Variants in TENM4 observed in about 807,000 individuals in gnomAD.
TENM4 encodes the protein teneurin transmembrane protein 4, also known as teneurin-4.
TENM4 carries 82 observed loss-of-function variants against 243.3 expected under a neutral mutation model. That is an observed-to-expected ratio of 0.34 (90% confidence interval 0.28 to 0.40). The LOEUF (loss-of-function observed/expected upper bound fraction) is 0.40. TENM4 is among the 10% of genes least tolerant of loss of function. TENM4 has a pLI of 1.00. For synonymous variants in TENM4, 1,412 were observed against 1,456.3 expected, an observed-to-expected ratio of 0.97 and a Z score of 0.69; for missense variants, 3,138 against 3,673.3, an observed-to-expected ratio of 0.85 and a Z score of 3.77.
intron 30 of TENM4, among the ~76,000 whole-genome samples, chr11:78,674,517 G>A (rs186984292): frequency 4.6e-5 from 7 of 152,186 alleles, no homozygotes; most frequent in African/African-American, 1.4e-4. Flanking sequence ...GGCTAGGTGC[G>A]TTGATTGTAT....
At position 79,213,369 on chromosome 11, in the gene TENM4, G is replaced by A. The variant is rs991779621; in HGVS notation, c.-163+2439C>T. ...GCCAACAAAGTAGGTCCCTGCCCTT[G>A]TGGAGCTTGTGTTCTAATAGAAGAA... On this transcript the variant is annotated intron_variant, in intron 3 of 33. Coordinates refer to ENST00000278550, the MANE Select transcript of TENM4 (RefSeq NM_001098816.3). 2.0e-5 allele frequency among the ~76,000 whole-genome samples: 3 copies of A among 152,152 alleles called. No homozygotes were observed. In the East Asian group the frequency reaches 5.8e-4, roughly 29 times the overall value.
intron 3 of TENM4, among the ~76,000 whole-genome samples, chr11:79,161,868 C>T (rs979527346): frequency 2.0e-5 from 3 of 152,130 alleles, no homozygotes; most frequent in African/African-American, 7.2e-5. Flanking sequence ...CAGAAAATGA[C>T]CCAAGTGCGC....
chr11:79,174,989 C>A (rs1863128809), intron 3 of TENM4, among the ~76,000 whole-genome samples: 1 of 152,300 alleles, frequency 6.6e-6, no homozygotes, highest in African/African-American at 2.4e-5. Context: ...AAGTAATATA[C>A]TATCTATCTC....
intron 6 of TENM4, among the ~76,000 whole-genome samples, chr11:78,984,337 A>G (rs1857870930): frequency 6.6e-6 from 1 of 152,154 alleles, no homozygotes; most frequent in African/African-American, 2.4e-5. Context: ...CCCTTCTCTG[A>G]AGGGCTAGAT....
intron 6 of TENM4, among the ~76,000 whole-genome samples, chr11:78,904,089 G>A (rs1189634656): frequency 6.6e-6 from 1 of 152,038 alleles, no homozygotes; most frequent in Non-Finnish European, 1.5e-5. Context: ...GGCCGGTCGC[G>A]GTGGCTCAAG....
At chr11:79,393,369 G>C (rs968527505) in intron 1 of TENM4, among the ~76,000 whole-genome samples, 1 of 152,080 alleles carries the variant, frequency 6.6e-6, no homozygotes, top group Admixed American at 6.5e-5. Context: ...CTGGGTCTCC[G>C]TTTCCTCATC....
rs1863423739 is a variant in TENM4, at chr11:79,188,831, T to G, written c.-163+26977A>C. ...GTGATTGCAAATCCAAGTCTTGACC[T>G]CAGAAAGGCAGTCAGTACTGGGGGA... On this transcript the variant is annotated intron_variant, in intron 3 of 33. Coordinates refer to ENST00000278550, the MANE Select transcript of TENM4 (RefSeq NM_001098816.3). Among the ~76,000 whole-genome samples, 4 of 152,014 alleles carry G rather than the reference T, an allele frequency of 2.6e-5. No individual in the cohort carries two copies. In the South Asian group the frequency reaches 8.3e-4, roughly 32 times the overall value.
At chr11:79,010,942 T>C (rs973733885) in intron 6 of TENM4, among the ~76,000 whole-genome samples, 16 of 152,148 alleles carry the variant, frequency 1.1e-4, no homozygotes, top group Admixed American at 1.0e-3. Context: ...CTGTGGGTCC[T>C]GGAGCAAGTT....
At chr11:79,249,083 G>A (rs61143485) in intron 2 of TENM4, among the ~76,000 whole-genome samples, 1,680 of 152,274 alleles carry the variant, frequency 0.011, 32 homozygotes, top group African/African-American at 0.039. Context: ...AACCCTAGTA[G>A]CATGCAGTAA....
At chr11:79,377,033 A>G (rs894577486) in intron 1 of TENM4, among the ~76,000 whole-genome samples, 1 of 152,220 alleles carries the variant, frequency 6.6e-6, no homozygotes, top group African/African-American at 2.4e-5. Flanking sequence ...ACTAAATGCT[A>G]TCACAAGTGT....
intron 1 of TENM4, among the ~76,000 whole-genome samples, chr11:79,393,723 C>T (rs1340863430): frequency 6.6e-6 from 1 of 152,204 alleles, no homozygotes; most frequent in Non-Finnish European, 1.5e-5. Context: ...ACTGAAGGGA[C>T]TCGGTGTGTT....
chr11:78,741,310 G>GA (rs139301535), intron 19 of TENM4, among the ~76,000 whole-genome samples: 28 of 146,860 alleles, frequency 1.9e-4, no homozygotes, highest in African/African-American at 3.0e-4. Context: ...ACCGACTTTT[G>GA]AAAAAAAAAA....
chr11:78,769,994 C>A (rs1172092122), intron 18 of TENM4, among the ~76,000 whole-genome samples: 1 of 152,208 alleles, frequency 6.6e-6, no homozygotes, highest in Non-Finnish European at 1.5e-5. Context: ...CTATTGATTT[C>A]CTACCCTGTG....
At chr11:79,373,346 A>G (rs1025407292) in intron 1 of TENM4, among the ~76,000 whole-genome samples, 1 of 150,194 alleles carries the variant, frequency 6.7e-6, no homozygotes, top group East Asian at 2.0e-4. Flanking sequence ...GGATGGATGG[A>G]TGGATGGATC....
chr11:79,130,650 C>T (rs999875342), intron 4 of TENM4, among the ~76,000 whole-genome samples: 11 of 152,008 alleles, frequency 7.2e-5, no homozygotes, highest in African/African-American at 2.7e-4. Context: ...GGTGAAACAC[C>T]ATCTCTACTA....
intron 6 of TENM4, among the ~76,000 whole-genome samples, chr11:78,915,860 C>G (rs770795880): frequency 6.6e-6 from 1 of 152,138 alleles, no homozygotes; most frequent in Non-Finnish European, 1.5e-5. Context: ...TTGTAGCCAT[C>G]AGTAATTTTG....
intron 25 of TENM4, among the ~76,000 whole-genome samples, chr11:78,716,275 C>T (rs537128627): frequency 2.0e-4 from 30 of 152,288 alleles, no homozygotes; most frequent in Non-Finnish European, 3.7e-4. Context: ...TGAGGTTCAG[C>T]TTATCTGTAA....
chr11:78,787,606 T>C (rs1028529274), intron 15 of TENM4, among the ~76,000 whole-genome samples: 7 of 152,024 alleles, frequency 4.6e-5, no homozygotes, highest in South Asian at 2.1e-4. Context: ...CTGATTGAGG[T>C]TGGGGTGCGG....
chr11:78,664,883 C>T (rs1858114544), intron 32 of TENM4, among the ~76,000 whole-genome samples: 2 of 152,150 alleles, frequency 1.3e-5, no homozygotes, highest in South Asian at 4.1e-4. Context: ...GAGAAGAGGG[C>T]TGGGCCTTAA....
Sources: gnomAD v4.1 joint callset for allele counts (sites outside exome capture counted in the v4.1 genomes callset) on GRCh38, gnomAD v4.1.1 for gene constraint, MANE v1.5 for transcripts, NCBI Gene and HGNC (gene_info 2026-07-23, HGNC 2026-07-21) for gene names.